The following PCDH9 variants were observed in gnomAD, a reference collection of about 807,000 sequenced individuals.
The protein encoded by PCDH9 is protocadherin-9.
Under a neutral mutation model 70.6 loss-of-function variants are expected in PCDH9, and 24 were observed. The observed-to-expected ratio is 0.34, with a 90% CI of 0.25 to 0.48. The LOEUF is 0.48. Ranked by LOEUF, PCDH9 falls within the 20% of genes least tolerant of loss-of-function variation. The pLI, the probability that PCDH9 is intolerant of heterozygous loss-of-function variation, is 0.99. For missense variants in PCDH9, 1,281 were observed against 1,503.6 expected, an observed-to-expected ratio of 0.85 and a Z score of 2.45; for synonymous variants, 562 against 558.5, an observed-to-expected ratio of 1.01 and a Z score of -0.09.
chr13:66,683,020 G>C lies in PCDH9; in HGVS notation c.3139-51609C>G, dbSNP rs1020493264. Among the ~76,000 whole-genome samples the C allele has an allele frequency of 7.2e-5, 11 of 152,222 alleles. No individual in the cohort carries two copies. In the East Asian group the frequency reaches 2.1e-3, roughly 29 times the overall value. ...TAGAAACAAATGGCAGAGGTTTGTTGGGAACATTTTATAGTGCCTCTAGGG... is the reference window on the plus strand; with the variant it reads ...TAGAAACAAATGGCAGAGGTTTGTTCGGAACATTTTATAGTGCCTCTAGGG... On this transcript the variant is annotated intron_variant, in intron 3 of 4. Coordinates refer to ENST00000377865, the MANE Select transcript of PCDH9 (RefSeq NM_203487.3).
chr13:66,675,070 T>C (rs1249740870), intron 3 of PCDH9, among the ~76,000 whole-genome samples: 2 of 152,144 alleles, frequency 1.3e-5, no homozygotes, highest in African/African-American at 2.4e-5. Context: ...GAAAACTAGA[T>C]AGGGATTTGT....
intron 2 of PCDH9, among the ~76,000 whole-genome samples, chr13:67,031,354 A>C (rs2084902481): frequency 6.6e-6 from 1 of 152,186 alleles, no homozygotes; most frequent in South Asian, 2.1e-4. Flanking sequence ...CCTACCTGTA[A>C]AATACAATTC....
At chr13:67,052,613 C>T (rs2085343527) in intron 2 of PCDH9, among the ~76,000 whole-genome samples, 1 of 151,658 alleles carries the variant, frequency 6.6e-6, no homozygotes, top group Non-Finnish European at 1.5e-5. Context: ...CAGGTGCACA[C>T]AAGAAGAAGG....
intron 2 of PCDH9, among the ~76,000 whole-genome samples, chr13:66,948,160 G>A (rs1173982626): frequency 6.6e-6 from 1 of 152,066 alleles, no homozygotes; most frequent in African/African-American, 2.4e-5. Context: ...TTAGGACTCT[G>A]GAGAAATGGT....
chr13:67,049,461 G>A (rs965954763), intron 2 of PCDH9, among the ~76,000 whole-genome samples: 36 of 152,262 alleles, frequency 2.4e-4, no homozygotes, highest in African/African-American at 7.9e-4. Flanking sequence ...CTTCTTCCCA[G>A]CAATGAACAG....
intron 4 of PCDH9, among the ~76,000 whole-genome samples, chr13:66,451,960 T>G (rs1487020505): frequency 6.6e-6 from 1 of 152,194 alleles, no homozygotes; most frequent in Non-Finnish European, 1.5e-5. Flanking sequence ...CGTTTTTGCT[T>G]GCTTGTTTTT....
chr13:66,828,426 C>A (rs927362930), intron 3 of PCDH9, among the ~76,000 whole-genome samples: 4 of 152,082 alleles, frequency 2.6e-5, no homozygotes, highest in Non-Finnish European at 5.9e-5. Flanking sequence ...ACTAGATTTA[C>A]CCCCACTTAT....
chr13:66,451,743 A>G (rs1218823994), intron 4 of PCDH9, among the ~76,000 whole-genome samples: 3 of 152,236 alleles, frequency 2.0e-5, no homozygotes, highest in Non-Finnish European at 4.4e-5. Context: ...TATCTGGCAA[A>G]GAAAAATAAA....
intron 2 of PCDH9, chr13:67,224,729 T>C: frequency 1.5e-6 from 1 of 681,262 alleles, no homozygotes; most frequent in East Asian, 1.4e-4. Flanking sequence ...CAGCAAGCAT[T>C]CTTTTTTTTT....
At chr13:66,502,554 C>T (rs1346247434) in intron 4 of PCDH9, among the ~76,000 whole-genome samples, 1 of 152,024 alleles carries the variant, frequency 6.6e-6, no homozygotes, top group African/African-American at 2.4e-5. Flanking sequence ...ATTTTACCTG[C>T]CAAGATTTTA....
intron 4 of PCDH9, among the ~76,000 whole-genome samples, chr13:66,495,237 C>A (rs1959095999): frequency 6.6e-6 from 1 of 152,084 alleles, no homozygotes; most frequent in Non-Finnish European, 1.5e-5. Context: ...GTTTCAATAT[C>A]TTCTTTGTTA....
At position 67,225,995 on chromosome 13, in the gene PCDH9, T is replaced by C. The variant is rs1260009752; in HGVS notation, c.2446A>G (p.Met816Val). 1 of 1,614,148 alleles carries C rather than the reference T, an allele frequency of 6.2e-7. No homozygotes were observed. Among genetic ancestry groups the C allele is most frequent in the Non-Finnish European group, 8.5e-7 (1 of 1,180,018 alleles). The change falls in exon 2 of 5, where the codon ATG becomes GTG. Residue 816 changes from methionine to valine, a missense_variant. Met to Val is a conservative substitution (Grantham distance 21). This residue lies in a region of PCDH9 where 798 missense variants were observed against 1,003.1 expected (regional missense o/e 0.80). Transcript: ENST00000377865. Reference sequence around the variant, plus strand: ...ATGGCACCGGCGATGATGGCAATCATGATGGTTAGATAGTCCTCATTTTGA... The same window carrying C: ...ATGGCACCGGCGATGATGGCAATCACGATGGTTAGATAGTCCTCATTTTGA... Reference protein sequence around the residue: ...PYQNEDYLTIMIAIIAGAMVV... With the variant: ...PYQNEDYLTIVIAIIAGAMVV...
intron 4 of PCDH9, among the ~76,000 whole-genome samples, chr13:66,503,339 GT>G (rs1440150799): frequency 6.6e-6 from 1 of 151,974 alleles, no homozygotes; most frequent in Non-Finnish European, 1.5e-5. Context: ...TTTAAAATAC[GT>G]ATTTCCAAAC....
At chr13:66,504,601 C>A (rs1239006443) in intron 4 of PCDH9, among the ~76,000 whole-genome samples, 1 of 152,126 alleles carries the variant, frequency 6.6e-6, no homozygotes, top group Non-Finnish European at 1.5e-5. Flanking sequence ...GTAGGTAATT[C>A]ATACATCGAT....
In PCDH9 at chr13:66,719,398, C is replaced by T. The variant is rs929557765; in HGVS notation, c.3139-87987G>A. 1.3e-5 allele frequency among the ~76,000 whole-genome samples: 2 copies of T among 152,176 alleles called. 1 individual carries two copies. The highest frequency in any genetic ancestry group is 4.2e-4 in the South Asian group (2 of 4,818). The stretch of plus-strand genomic sequence containing the variant: ...GTAATTTAGTCAGGAGGTCTCTGCC[C>T]TCATGAGTGAGATTAGTGTTATTAT... On this transcript the variant is annotated intron_variant, in intron 3 of 4. Coordinates refer to ENST00000377865, the MANE Select transcript of PCDH9 (RefSeq NM_203487.3).
intron 2 of PCDH9, among the ~76,000 whole-genome samples, chr13:67,099,348 A>G (rs1297160308): frequency 6.6e-6 from 1 of 152,214 alleles, no homozygotes; most frequent in Non-Finnish European, 1.5e-5. Flanking sequence ...CAAGAATTCA[A>G]GTCAAAATCA....
chr13:67,040,441 C>T (rs1053431280), intron 2 of PCDH9, among the ~76,000 whole-genome samples: 1 of 152,134 alleles, frequency 6.6e-6, no homozygotes, highest in African/African-American at 2.4e-5. Flanking sequence ...AAGACCCAGT[C>T]TCTAGAGAAA....
chr13:66,495,227 G>A (rs531658946), intron 4 of PCDH9, among the ~76,000 whole-genome samples: 1 of 152,206 alleles, frequency 6.6e-6, no homozygotes, highest in Non-Finnish European at 1.5e-5. Flanking sequence ...TTGTTAGCAT[G>A]TTTCAATATC....
chr13:66,664,215 T>G (rs767675047), intron 3 of PCDH9, among the ~76,000 whole-genome samples: 17 of 152,252 alleles, frequency 1.1e-4, no homozygotes, highest in Admixed American at 5.2e-4. Flanking sequence ...GCCTGCCTAC[T>G]TACACAATTA....
Sources: gnomAD v4.1 joint callset for allele counts (sites outside exome capture counted in the v4.1 genomes callset) on GRCh38, gnomAD v4.1.1 for gene constraint, gnomAD v4.1.1 regional missense constraint, MANE v1.5 for transcripts, NCBI Gene and HGNC (gene_info 2026-07-23, HGNC 2026-07-21) for gene names.